Variants in PDE1A observed in about 807,000 individuals in gnomAD.
PDE1A encodes the protein dual specificity calcium/calmodulin-dependent 3',5'-cyclic nucleotide phosphodiesterase 1A.
Under a neutral mutation model 61.7 loss-of-function variants are expected in PDE1A, and 35 were observed. That is an observed-to-expected ratio of 0.57 (90% CI 0.43 to 0.75). The LOEUF is 0.75. Among genes scored for constraint, PDE1A ranks in the 30% least tolerant of loss-of-function variants. The probability of loss-of-function intolerance (pLI) is 0.00; values close to 1 mark genes in which losing one functional copy is unlikely to be tolerated. For missense variants in PDE1A, 597 were observed against 630.6 expected (o/e 0.95, Z 0.57); for synonymous variants, 232 against 213.2 (o/e 1.09, Z -0.77).
intron 7 of PDE1A, among the ~76,000 whole-genome samples, chr2:182,214,136 A>C (rs1687935620): frequency 6.6e-6 from 1 of 151,654 alleles, no homozygotes; most frequent in Non-Finnish European, 1.5e-5. Context: ...AAGAATTTTC[A>C]ACCCAGAATT....
the PDE1A span, among the ~76,000 whole-genome samples, chr2:182,708,423 T>C: frequency 6.6e-6 from 1 of 151,194 alleles, no homozygotes; most frequent in African/African-American, 2.4e-5. Context: ...TTCAGTTAAC[T>C]AATTTTGGTA....
chr2:182,406,309 C>A (rs899082911), intron 1 of PDE1A, among the ~76,000 whole-genome samples: 1 of 151,914 alleles, frequency 6.6e-6, no homozygotes, highest in African/African-American at 2.4e-5. Flanking sequence ...TAGCATAAAC[C>A]TAACAGAGTA....
the PDE1A span, among the ~76,000 whole-genome samples, chr2:182,673,660 A>G: frequency 1.8e-4 from 28 of 151,978 alleles, no homozygotes; most frequent in Non-Finnish European, 5.9e-5. Flanking sequence ...TTAATTTTGT[A>G]TAAATTAAAA....
At chr2:182,514,951 GCCACACACCCAAA>G (rs1168124912) in intron 2 of PDE1A, among the ~76,000 whole-genome samples, 1 of 152,160 alleles carries the variant, frequency 6.6e-6, no homozygotes, top group Non-Finnish European at 1.5e-5. Flanking sequence ...GGTTTATTTA[GCCACACACCCAAA>G]CCATGTTCTT....
chr2:182,524,291 A>G (rs1388106168), upstream of PDE1A, among the ~76,000 whole-genome samples: 1 of 152,138 alleles, frequency 6.6e-6, no homozygotes. Flanking sequence ...CAAGTACTCT[A>G]TAATTATTAT....
At chr2:182,563,874 A>C in the PDE1A span, among the ~76,000 whole-genome samples, 2 of 152,168 alleles carry the variant, frequency 1.3e-5, no homozygotes, top group Non-Finnish European at 2.9e-5. Context: ...CTAGGATTGC[A>C]ACCCCTGCCT....
chr2:182,498,535 GA>G (rs1021792270), intron 2 of PDE1A, among the ~76,000 whole-genome samples: 66 of 151,728 alleles, frequency 4.3e-4, no homozygotes, highest in Non-Finnish European at 8.0e-4. Context: ...AAAAAAATAA[GA>G]AAAAAAGTTA....
chr2:182,228,717 T>A (rs1689333091), intron 6 of PDE1A, among the ~76,000 whole-genome samples: 1 of 152,186 alleles, frequency 6.6e-6, no homozygotes. Context: ...CCTTTCTCCA[T>A]CTATGGTAAA....
At chr2:182,453,289 A>G (rs866633925) in intron 2 of PDE1A, among the ~76,000 whole-genome samples, 1 of 152,066 alleles carries the variant, frequency 6.6e-6, no homozygotes, top group Non-Finnish European at 1.5e-5. Flanking sequence ...AAAGAGCTCA[A>G]AAAGCTTTTT....
intron 2 of PDE1A, among the ~76,000 whole-genome samples, chr2:182,442,578 C>A (rs575856690): frequency 6.2e-4 from 94 of 151,964 alleles, no homozygotes; most frequent in African/African-American, 2.2e-3. Flanking sequence ...TAATTTTATT[C>A]TATTCATATA....
At chr2:182,287,078 C>T (rs1418087417) in intron 1 of PDE1A, among the ~76,000 whole-genome samples, 1 of 152,086 alleles carries the variant, frequency 6.6e-6, no homozygotes, top group Non-Finnish European at 1.5e-5. Flanking sequence ...TTGTCTCATT[C>T]CAATCTCTTC....
the PDE1A span, among the ~76,000 whole-genome samples, chr2:182,711,197 A>T: frequency 1.3e-5 from 2 of 152,200 alleles, no homozygotes; most frequent in Non-Finnish European, 2.9e-5. Context: ...ACCTGAGTGG[A>T]GTAAACAGAG....
At chr2:182,356,264 G>A (rs539632736) in intron 1 of PDE1A, among the ~76,000 whole-genome samples, 58 of 152,064 alleles carry the variant, frequency 3.8e-4, no homozygotes, top group Middle Eastern at 6.8e-3. Flanking sequence ...CATTAGTAGT[G>A]ACTAGGGAAT....
At chr2:182,457,915 T>C (rs1190224613) in intron 2 of PDE1A, among the ~76,000 whole-genome samples, 1 of 152,092 alleles carries the variant, frequency 6.6e-6, no homozygotes, top group Non-Finnish European at 1.5e-5. Context: ...AGATTCTATT[T>C]AAGATGTAGC....
chr2:182,481,521 A>C (rs1298967259), intron 2 of PDE1A, among the ~76,000 whole-genome samples: 1 of 151,986 alleles, frequency 6.6e-6, no homozygotes, highest in Admixed American at 6.6e-5. Flanking sequence ...AAGAATTTCC[A>C]TTAACTCAAA....
chr2:182,174,613 G>A (rs1350871052), intron 13 of PDE1A, among the ~76,000 whole-genome samples: 1 of 152,098 alleles, frequency 6.6e-6, no homozygotes, highest in Non-Finnish European at 1.5e-5. Flanking sequence ...AAGTTTTTAA[G>A]CTGGCTTGTA....
intron 1 of PDE1A, among the ~76,000 whole-genome samples, chr2:182,395,219 T>C (rs1323644327): frequency 6.6e-6 from 1 of 152,254 alleles, no homozygotes; most frequent in Non-Finnish European, 1.5e-5. Context: ...ACCAGCAGTA[T>C]ACCTTTACTT....
At chr2:182,215,600 A>C (rs185425610) in intron 7 of PDE1A, among the ~76,000 whole-genome samples, 91,964 of 128,416 alleles carry the variant, frequency 0.72, 33,513 homozygotes, top group East Asian at 0.9. Context: ...ACCGATTCCA[A>C]AGAAATACAA....
intron 2 of PDE1A, among the ~76,000 whole-genome samples, chr2:182,450,643 T>C (rs556400126): frequency 2.6e-5 from 4 of 152,216 alleles, no homozygotes; most frequent in Admixed American, 1.3e-4. Context: ...TCAGGCTTGT[T>C]CCTTTTAAGG....
Sources: gnomAD v4.1 joint callset for allele counts (sites outside exome capture counted in the v4.1 genomes callset) on GRCh38, gnomAD v4.1.1 for gene constraint, MANE v1.5 for transcripts, NCBI Gene and HGNC (gene_info 2026-07-23, HGNC 2026-07-21) for gene names.